Variants in KIAA1217 observed in about 807,000 individuals in gnomAD.
KIAA1217 encodes sickle tail protein homolog.
A neutral mutation model predicts 163.9 loss-of-function variants in KIAA1217; 88 were observed. The ratio of observed to expected loss-of-function variants is 0.54; its 90% CI spans 0.45 to 0.64. KIAA1217 has a LOEUF of 0.64. Ranked by LOEUF, KIAA1217 falls within the 30% of genes least tolerant of loss-of-function variation. KIAA1217 has a pLI of 0.00. For synonymous variants in KIAA1217, 903 were observed against 923.1 expected (o/e 0.98, Z 0.39); for missense variants, 2,372 against 2,475.0 (o/e 0.96, Z 0.88).
chr10:24,162,167 T>A (rs1444624509), intron 2 of KIAA1217, among the ~76,000 whole-genome samples: 1 of 152,192 alleles, frequency 6.6e-6, no homozygotes. Context: ...CAAATATCCT[T>A]TCTACAGAAT....
At chr10:24,319,280 G>A (rs1019366808) in intron 2 of KIAA1217, among the ~76,000 whole-genome samples, 5 of 150,030 alleles carry the variant, frequency 3.3e-5, no homozygotes, top group African/African-American at 9.8e-5. Context: ...GGAGGCTGAG[G>A]CATGAGAATC....
chr10:23,900,353 G>A (rs557211378), intron 1 of KIAA1217, among the ~76,000 whole-genome samples: 11 of 151,962 alleles, frequency 7.2e-5, no homozygotes, highest in Admixed American at 1.3e-4. Context: ...TTTACAATCC[G>A]CAGCTACAAT....
At chr10:24,303,117 G>A (rs962486848) in intron 2 of KIAA1217, among the ~76,000 whole-genome samples, 1 of 152,046 alleles carries the variant, frequency 6.6e-6, no homozygotes, top group African/African-American at 2.4e-5. Flanking sequence ...GGGCTCCAGC[G>A]ATCCTCCCAT....
chr10:23,924,651 C>A lies in KIAA1217; in HGVS notation c.-320-82574C>A, dbSNP rs34173421. Among the ~76,000 whole-genome samples, 904 of 152,234 alleles carry A rather than the reference C, an allele frequency of 5.9e-3. 5 individuals are homozygous for A. The highest frequency in any genetic ancestry group is 9.0e-3 in the Non-Finnish European group (612 of 68,024). On this transcript the variant is annotated intron_variant, in intron 1 of 18. Transcript: ENST00000376462. Reference sequence around the variant, plus strand: ...AGCTGGGACCACACCTTGCTTCCTGCCTCCAAATTTCATGCCTCCAGCGCT... The same window carrying A: ...AGCTGGGACCACACCTTGCTTCCTGACTCCAAATTTCATGCCTCCAGCGCT...
At chr10:24,271,540 C>T (rs1174104148) in intron 2 of KIAA1217, among the ~76,000 whole-genome samples, 2 of 151,966 alleles carry the variant, frequency 1.3e-5, no homozygotes, top group African/African-American at 4.8e-5. Flanking sequence ...CACATGAACC[C>T]AGGAGTTCAA....
At chr10:24,375,464 T>C (rs1327173698) in intron 2 of KIAA1217, among the ~76,000 whole-genome samples, 2 of 152,240 alleles carry the variant, frequency 1.3e-5, no homozygotes, top group Admixed American at 1.3e-4. Context: ...AGAGAAAACC[T>C]AAATTCTGTG....
chr10:24,109,783 G>A (rs910483181), intron 2 of KIAA1217, among the ~76,000 whole-genome samples: 1 of 152,252 alleles, frequency 6.6e-6, no homozygotes, highest in African/African-American at 2.4e-5. Flanking sequence ...CAACATGACA[G>A]TCATAAAGGA....
chr10:24,542,576 G>C (rs867040), intron 17 of KIAA1217, 117 bp from the exon 18 acceptor site: 336,649 of 1,538,230 alleles, frequency 0.22, 38,081 homozygotes, highest in Middle Eastern at 0.37. Flanking sequence ...TGGTGTGTAA[G>C]AAATATGCGT....
At chr10:23,712,743 A>G (rs1442150191) in intron 1 of KIAA1217, among the ~76,000 whole-genome samples, 1 of 152,128 alleles carries the variant, frequency 6.6e-6, no homozygotes, top group South Asian at 2.1e-4. Context: ...ACTTTTTAAT[A>G]CAGGATAAAG....
At chr10:24,234,371 A>G (rs753529828) in intron 2 of KIAA1217, among the ~76,000 whole-genome samples, 9 of 152,116 alleles carry the variant, frequency 5.9e-5, no homozygotes, top group Non-Finnish European at 1.3e-4. Flanking sequence ...GAAACTACAT[A>G]CATATATATC....
chr10:23,835,050 A>G (rs1008271472), intron 1 of KIAA1217, among the ~76,000 whole-genome samples: 1 of 152,020 alleles, frequency 6.6e-6, no homozygotes, highest in Non-Finnish European at 1.5e-5. Flanking sequence ...ATATGGGGTA[A>G]TTGGGCCATG....
chr10:24,298,408 G>T (rs2040875508), intron 2 of KIAA1217, among the ~76,000 whole-genome samples: 1 of 152,114 alleles, frequency 6.6e-6, no homozygotes, highest in South Asian at 2.1e-4. Context: ...GGTCTGATGG[G>T]TTTGAGAATT....
At chr10:24,455,599 G>C (rs1044641473) in intron 5 of KIAA1217, among the ~76,000 whole-genome samples, 1 of 152,126 alleles carries the variant, frequency 6.6e-6, no homozygotes, top group Non-Finnish European at 1.5e-5. Flanking sequence ...TAATTAGTTC[G>C]GCTTCCTCTT....
At chr10:24,230,584 TC>T (rs2071267733) in intron 2 of KIAA1217, among the ~76,000 whole-genome samples, 1 of 142,912 alleles carries the variant, frequency 7.0e-6, no homozygotes, top group Non-Finnish European at 1.5e-5. Flanking sequence ...CGATCTTGGC[TC>T]ACAGCAATCT....
chr10:23,844,480 T>G (rs1838928699), intron 1 of KIAA1217, among the ~76,000 whole-genome samples: 1 of 152,174 alleles, frequency 6.6e-6, no homozygotes, highest in Non-Finnish European at 1.5e-5. Context: ...TGACCTGTGT[T>G]GTCATATTCA....
chr10:23,729,904 GAA>G (rs112269024), intron 1 of KIAA1217, among the ~76,000 whole-genome samples: 1 of 139,348 alleles, frequency 7.2e-6, no homozygotes, highest in African/African-American at 2.7e-5. Context: ...TATTTTCTAT[GAA>G]ATTTTTTTTT....
intron 1 of KIAA1217, among the ~76,000 whole-genome samples, chr10:23,822,159 A>G (rs140787428): frequency 9.8e-4 from 149 of 152,280 alleles, no homozygotes; most frequent in African/African-American, 3.3e-3. Flanking sequence ...CCTGTCAGGA[A>G]AGACTCACCC....
intron 5 of KIAA1217, among the ~76,000 whole-genome samples, chr10:24,447,168 T>C (rs926333366): frequency 6.6e-6 from 1 of 152,176 alleles, no homozygotes; most frequent in Non-Finnish European, 1.5e-5. Context: ...CACTGAGTTA[T>C]TGATGCACGC....
intron 2 of KIAA1217, among the ~76,000 whole-genome samples, chr10:24,059,007 A>C (rs2060623725): frequency 6.6e-6 from 1 of 152,164 alleles, no homozygotes; most frequent in African/African-American, 2.4e-5. Context: ...GTATGATGTT[A>C]GCCATGAGCT....
Sources: gnomAD v4.1 joint callset for allele counts (sites outside exome capture counted in the v4.1 genomes callset) on GRCh38, gnomAD v4.1.1 for gene constraint, MANE v1.5 for transcripts, NCBI Gene and HGNC (gene_info 2026-07-23, HGNC 2026-07-21) for gene names.